The following EXOC6B variants were observed in gnomAD, a reference collection of about 807,000 sequenced individuals.
The protein encoded by EXOC6B is SEC15 homolog B.
EXOC6B carries 54 observed loss-of-function variants against 113.5 expected under a neutral mutation model. The ratio of observed to expected loss-of-function variants is 0.48; its 90% CI spans 0.38 to 0.60. The LOEUF is 0.60. Among genes scored for constraint, EXOC6B ranks in the 20% least tolerant of loss-of-function variants. The pLI, the probability that EXOC6B is intolerant of heterozygous loss-of-function variation, is 0.00. For missense variants in EXOC6B, 797 were observed against 977.5 expected, an observed-to-expected ratio of 0.82 and a Z score of 2.46; for synonymous variants, 357 against 339.0, an observed-to-expected ratio of 1.05 and a Z score of -0.58.
intron 6 of EXOC6B, among the ~76,000 whole-genome samples, chr2:72,595,857 A>G (rs1223132998): frequency 1.3e-5 from 2 of 152,196 alleles, no homozygotes; most frequent in African/African-American, 2.4e-5. Flanking sequence ...AGGCTAAAAA[A>G]TGTTTCAAGT....
intron 7 of EXOC6B, among the ~76,000 whole-genome samples, chr2:72,561,435 C>T (rs1703878402): frequency 6.6e-6 from 1 of 152,030 alleles, no homozygotes; most frequent in East Asian, 1.9e-4. Flanking sequence ...TTTTGAGTAG[C>T]AAATTCAATC....
chr2:72,657,957 AT>A lies in EXOC6B; in HGVS notation c.669+60145del, dbSNP rs896442097. ...TTATATACAATTTTCCTTTATTTTT[AT>A]TGCCCAGCTGTTCTGTATTGAGCAA... On this transcript the variant is annotated intron_variant, in intron 6 of 21. Coordinates refer to ENST00000272427, the MANE Select transcript of EXOC6B (RefSeq NM_015189.3). Among the ~76,000 whole-genome samples, 67 of 151,354 alleles carry A rather than the reference AT, an allele frequency of 4.4e-4. 2 individuals carry two copies. Among genetic ancestry groups the A allele is most frequent in the Middle Eastern group, 3.4e-3 (1 of 292 alleles).
chr2:72,419,787 T>A (rs1432264246), intron 18 of EXOC6B, among the ~76,000 whole-genome samples: 2 of 152,184 alleles, frequency 1.3e-5, no homozygotes, highest in African/African-American at 4.8e-5. Flanking sequence ...TCTCTTTTAG[T>A]TCATCCAATT....
At chr2:72,397,578 C>T (rs1382837979) in intron 18 of EXOC6B, among the ~76,000 whole-genome samples, 2 of 147,886 alleles carry the variant, frequency 1.4e-5, no homozygotes, top group Non-Finnish European at 3.0e-5. Flanking sequence ...CGAGATCACG[C>T]CACTGCACTC....
intron 19 of EXOC6B, among the ~76,000 whole-genome samples, chr2:72,364,492 G>A (rs975478846): frequency 6.6e-6 from 1 of 152,042 alleles, no homozygotes; most frequent in African/African-American, 2.4e-5. Flanking sequence ...AATACCAAAT[G>A]GCTTTTCAGA....
intron 6 of EXOC6B, among the ~76,000 whole-genome samples, chr2:72,689,054 T>C (rs1224661281): frequency 6.6e-6 from 1 of 152,210 alleles, no homozygotes; most frequent in African/African-American, 2.4e-5. Context: ...ATGACTACCA[T>C]TTTAAACTTC....
chr2:72,811,477 CT>C (rs1477019411), intron 1 of EXOC6B, among the ~76,000 whole-genome samples: 1 of 152,152 alleles, frequency 6.6e-6, no homozygotes, highest in African/African-American at 2.4e-5. Flanking sequence ...TTGAAGAATT[CT>C]ACAAAATATT....
chr2:72,404,299 C>T lies in EXOC6B; in HGVS notation c.1981-24429G>A, dbSNP rs150237615. Among the ~76,000 whole-genome samples, 1,480 of 152,326 alleles carry T rather than the reference C, an allele frequency of 9.7e-3. 22 individuals are homozygous for T. The highest frequency in any genetic ancestry group is 0.034 in the African/African-American group (1,420 of 41,578). On this transcript the variant is annotated intron_variant, in intron 18 of 21. Coordinates refer to ENST00000272427, the MANE Select transcript of EXOC6B (RefSeq NM_015189.3). ...CCTCTGGGGGCAGGGCATAGCAAAACAAAAGGCAGCAGAAATCTCTGCAGA... is the reference window on the plus strand; with the variant it reads ...CCTCTGGGGGCAGGGCATAGCAAAATAAAAGGCAGCAGAAATCTCTGCAGA...
chr2:72,226,749 T>C (rs573392850), intron 20 of EXOC6B, among the ~76,000 whole-genome samples: 6 of 152,356 alleles, frequency 3.9e-5, no homozygotes, highest in Admixed American at 1.3e-4. Context: ...GCAGCACTTA[T>C]GAAGGGACTA....
chr2:72,665,260 C>T (rs138302436), intron 6 of EXOC6B, among the ~76,000 whole-genome samples: 1 of 152,158 alleles, frequency 6.6e-6, no homozygotes, highest in African/African-American at 2.4e-5. Flanking sequence ...CTCCCACACA[C>T]ACACTTGGAA....
intron 6 of EXOC6B, among the ~76,000 whole-genome samples, chr2:72,632,174 T>C (rs1417711889): frequency 6.6e-6 from 1 of 152,032 alleles, no homozygotes; most frequent in Non-Finnish European, 1.5e-5. Flanking sequence ...GAATACACAA[T>C]TCACAAAGGA....
intron 6 of EXOC6B, among the ~76,000 whole-genome samples, chr2:72,608,110 C>A (rs1408939040): frequency 6.6e-6 from 1 of 151,902 alleles, no homozygotes; most frequent in Non-Finnish European, 1.5e-5. Context: ...AAAAACAGAA[C>A]ACAACATACA....
chr2:72,593,301 G>A (rs1000106143), intron 6 of EXOC6B, among the ~76,000 whole-genome samples: 1 of 152,016 alleles, frequency 6.6e-6, no homozygotes, highest in African/African-American at 2.4e-5. Flanking sequence ...ACCTGAGGAG[G>A]GAGTCATCAG....
rs540350792 is a variant in EXOC6B at position 72,292,542 on chromosome 2, T to C, written c.2196+42405A>G. Among the ~76,000 whole-genome samples, 271 of 152,030 alleles carry C rather than the reference T, an allele frequency of 1.8e-3. 1 individual carries two copies. Among genetic ancestry groups the C allele is most frequent in the African/African-American group, 6.4e-3 (266 of 41,448 alleles). ...AGTTTTTACATGCACGCTTTGTGTG[T>C]GTGTGTGTGTGTGTGTGTTGAATAT... On this transcript the variant is annotated intron_variant, in intron 20 of 21. Transcript: ENST00000272427.
intron 6 of EXOC6B, among the ~76,000 whole-genome samples, chr2:72,636,942 C>T (rs528024065): frequency 2.0e-5 from 3 of 151,288 alleles, no homozygotes; most frequent in Admixed American, 2.0e-4. Flanking sequence ...AAAAAAACTA[C>T]TAGAACGAAT....
intron 6 of EXOC6B, among the ~76,000 whole-genome samples, chr2:72,701,280 T>C (rs1489226820): frequency 3.4e-5 from 5 of 145,976 alleles, no homozygotes; most frequent in African/African-American, 1.3e-4. Flanking sequence ...AGTCAAAGGA[T>C]GCAGTGAGCC....
At chr2:72,374,033 C>CT (rs1375093039) in intron 19 of EXOC6B, among the ~76,000 whole-genome samples, 1 of 151,968 alleles carries the variant, frequency 6.6e-6, no homozygotes, top group Admixed American at 6.6e-5. Flanking sequence ...AGTCATGCCA[C>CT]TGTATAGCCT....
chr2:72,784,874 C>T (rs1338548950), intron 1 of EXOC6B, among the ~76,000 whole-genome samples: 1 of 152,146 alleles, frequency 6.6e-6, no homozygotes, highest in East Asian at 1.9e-4. Flanking sequence ...AGTCTCTACT[C>T]ATTTCAGCAT....
intron 18 of EXOC6B, among the ~76,000 whole-genome samples, chr2:72,411,183 G>A (rs1426427896): frequency 6.6e-6 from 1 of 152,148 alleles, no homozygotes; most frequent in South Asian, 2.1e-4. Context: ...CTGCACTCCA[G>A]CCTGGGTGAC....
Sources: allele counts gnomAD v4.1 joint callset (sites outside exome capture counted in the v4.1 genomes callset), GRCh38; gene constraint gnomAD v4.1.1; transcripts MANE v1.5; gene names NCBI Gene and HGNC (gene_info 2026-07-23, HGNC 2026-07-21).